Variants in BCKDHB observed in about 807,000 individuals in gnomAD.
The protein encoded by BCKDHB is 2-oxoisovalerate dehydrogenase subunit beta, mitochondrial.
A neutral mutation model predicts 48.5 loss-of-function variants in BCKDHB; 41 were observed. The ratio of observed to expected loss-of-function variants is 0.85; its 90% CI spans 0.66 to 1.10. The LOEUF (loss-of-function observed/expected upper bound fraction) is 1.10, where lower values mean the gene tolerates loss of function less well. Ranked by LOEUF, BCKDHB falls within the 50% of genes least tolerant of loss-of-function variation. BCKDHB has a pLI of 0.00. For missense variants in BCKDHB, 496 were observed against 494.2 expected, an observed-to-expected ratio of 1.00 and a Z score of -0.03; for synonymous variants, 201 against 174.8, an observed-to-expected ratio of 1.15 and a Z score of -1.18.
intron 9 of BCKDHB, among the ~76,000 whole-genome samples, chr6:80,326,994 CCTT>C (rs1276935069): frequency 6.6e-6 from 1 of 152,116 alleles, no homozygotes; most frequent in Non-Finnish European, 1.5e-5. Flanking sequence ...CATATATATG[CCTT>C]CTTTGTTATC....
intron 6 of BCKDHB, among the ~76,000 whole-genome samples, chr6:80,188,571 G>A (rs898098359): frequency 6.6e-6 from 1 of 151,990 alleles, no homozygotes; most frequent in African/African-American, 2.4e-5. Flanking sequence ...CCTGGGAGGT[G>A]GAGGTTGCAA....
chr6:80,412,647 T>C, the BCKDHB span, among the ~76,000 whole-genome samples: 21 of 152,348 alleles, frequency 1.4e-4, no homozygotes, highest in East Asian at 3.3e-3. Flanking sequence ...TTTATGTTGC[T>C]AATTAATGTT....
At chr6:80,200,144 A>T in intron 6 of BCKDHB, among the ~76,000 whole-genome samples, 1 of 151,812 alleles carries the variant, frequency 6.6e-6, no homozygotes, top group East Asian at 1.9e-4. Flanking sequence ...TTCGTACTCA[A>T]TTTTATTTTG....
At chr6:80,243,312 G>A (rs1409556845) in intron 8 of BCKDHB, among the ~76,000 whole-genome samples, 1 of 152,148 alleles carries the variant, frequency 6.6e-6, no homozygotes. Flanking sequence ...AGGTAGGAGA[G>A]TCCCAATCAG....
intron 9 of BCKDHB, among the ~76,000 whole-genome samples, chr6:80,285,545 T>G (rs553870860): frequency 2.0e-5 from 3 of 152,268 alleles, no homozygotes; most frequent in Non-Finnish European, 4.4e-5. Flanking sequence ...AGAACCACAG[T>G]ATCTTTTCTC....
At chr6:80,440,311 G>C in the BCKDHB span, among the ~76,000 whole-genome samples, 1 of 152,198 alleles carries the variant, frequency 6.6e-6, no homozygotes, top group Non-Finnish European at 1.5e-5. Context: ...CAAAAAAACA[G>C]AGAGGAGCAG....
chr6:80,377,639 A>G, the BCKDHB span, among the ~76,000 whole-genome samples: 5 of 152,166 alleles, frequency 3.3e-5, no homozygotes, highest in African/African-American at 1.2e-4. Context: ...TGAGTTGACC[A>G]TAGATGTATG....
chr6:80,251,042 G>A (rs1289856623), intron 8 of BCKDHB, among the ~76,000 whole-genome samples: 3 of 152,098 alleles, frequency 2.0e-5, no homozygotes, highest in African/African-American at 7.2e-5. Context: ...TTCTTGTTTG[G>A]CTTCACTACT....
At chr6:80,364,388 G>A in the BCKDHB span, among the ~76,000 whole-genome samples, 2 of 152,154 alleles carry the variant, frequency 1.3e-5, no homozygotes, top group East Asian at 3.9e-4. Context: ...ACTCTGAAGA[G>A]GGCATTTGGC....
At chr6:80,222,380 A>G (rs1775496449) in intron 8 of BCKDHB, among the ~76,000 whole-genome samples, 1 of 152,242 alleles carries the variant, frequency 6.6e-6, no homozygotes, top group Non-Finnish European at 1.5e-5. Flanking sequence ...TCTAAAGCCA[A>G]TAAAGATCCA....
the BCKDHB span, among the ~76,000 whole-genome samples, chr6:80,353,847 C>T: frequency 0.12 from 10,389 of 84,252 alleles, 698 homozygotes; most frequent in African/African-American, 0.22. Flanking sequence ...AGTGAGACTC[C>T]GTCTCAAAAA....
the BCKDHB span, among the ~76,000 whole-genome samples, chr6:80,393,182 A>T: frequency 6.6e-6 from 1 of 152,114 alleles, no homozygotes; most frequent in Non-Finnish European, 1.5e-5. Flanking sequence ...CCTATTTATT[A>T]TTTGATTTAT....
chr6:80,186,383 C>T (rs1034780259), intron 6 of BCKDHB, among the ~76,000 whole-genome samples: 9 of 152,152 alleles, frequency 5.9e-5, no homozygotes, highest in African/African-American at 1.4e-4. Context: ...CTAGCTTCCA[C>T]GCAGCCAGCA....
intron 8 of BCKDHB, among the ~76,000 whole-genome samples, chr6:80,271,595 G>C (rs932267679): frequency 5.9e-5 from 9 of 152,102 alleles, no homozygotes; most frequent in Admixed American, 3.9e-4. Flanking sequence ...TAGGGTTTTA[G>C]GGTACCAGCA....
the BCKDHB span, among the ~76,000 whole-genome samples, chr6:80,352,151 G>GTTCTT: frequency 2.0e-5 from 3 of 147,298 alleles, no homozygotes; most frequent in Non-Finnish European, 4.5e-5. Context: ...TGTTGTTGTT[G>GTTCTT]TTTTTTTTTT....
chr6:80,261,961 C>T (rs934460625), intron 8 of BCKDHB, among the ~76,000 whole-genome samples: 11 of 152,198 alleles, frequency 7.2e-5, no homozygotes, highest in South Asian at 6.2e-4. Flanking sequence ...AGGTGGGGTT[C>T]GCTTTGATTC....
At chr6:80,286,556 T>C (rs774490427) in intron 9 of BCKDHB, among the ~76,000 whole-genome samples, 26 of 152,196 alleles carry the variant, frequency 1.7e-4, no homozygotes, top group Non-Finnish European at 3.1e-4. Context: ...TATTGAATTA[T>C]TTTCCTTAGG....
the BCKDHB span, among the ~76,000 whole-genome samples, chr6:80,409,622 ATATATATATG>A: frequency 1.4e-5 from 1 of 70,244 alleles, no homozygotes; most frequent in Non-Finnish European, 2.8e-5. Context: ...ATATATATAT[ATATATATATG>A]ATAGTTAGTT....
intron 1 of BCKDHB, among the ~76,000 whole-genome samples, chr6:80,122,312 TC>T (rs1214449161): frequency 6.6e-6 from 1 of 152,238 alleles, no homozygotes; most frequent in African/African-American, 2.4e-5. Flanking sequence ...TCTAAAATTC[TC>T]TTCTTTTGTT....
Sources: gnomAD v4.1 joint callset for allele counts (sites outside exome capture counted in the v4.1 genomes callset) on GRCh38, gnomAD v4.1.1 for gene constraint, MANE v1.5 for transcripts, NCBI Gene and HGNC (gene_info 2026-07-23, HGNC 2026-07-21) for gene names.